The following CD200 variants were observed in gnomAD, a reference collection of about 807,000 sequenced individuals.
CD200 encodes CD200 molecule.
A neutral mutation model predicts 30.9 loss-of-function variants in CD200; 15 were observed. That is an observed-to-expected ratio of 0.49 (90% CI 0.32 to 0.75). The LOEUF (loss-of-function observed/expected upper bound fraction) is 0.75. CD200 is among the 30% of genes least tolerant of loss of function. The pLI is 0.03. For synonymous variants in CD200, 134 were observed against 126.2 expected, an observed-to-expected ratio of 1.06 and a Z score of -0.41; for missense variants, 262 against 324.2, an observed-to-expected ratio of 0.81 and a Z score of 1.47.
chr3:112,346,400 C>A (rs1307853930), intron 3 of CD200, among the ~76,000 whole-genome samples: 1 of 151,790 alleles, frequency 6.6e-6, no homozygotes, highest in Non-Finnish European at 1.5e-5. Flanking sequence ...CACTCATAGA[C>A]TTTTGTATTT....
At chr3:112,338,723 G>A (rs529534935) in intron 1 of CD200, among the ~76,000 whole-genome samples, 115 of 152,100 alleles carry the variant, frequency 7.6e-4, no homozygotes, top group African/African-American at 2.7e-3. Flanking sequence ...GGGCAATGAA[G>A]CAGGGATTGC....
At chr3:112,337,395 A>G (rs2081141615) in intron 1 of CD200, among the ~76,000 whole-genome samples, 1 of 152,182 alleles carries the variant, frequency 6.6e-6, no homozygotes, top group South Asian at 2.1e-4. Context: ...TGTAGGAGGA[A>G]TGGCTCAAGC....
intron 1 of CD200, 39 bp downstream of exon 1, chr3:112,333,263 A>G (rs1559777060): frequency 6.5e-7 from 1 of 1,543,946 alleles, no homozygotes; most frequent in South Asian, 1.2e-5. Flanking sequence ...GGCGCAGGGC[A>G]GGCGATGTTG....
Position 112,342,421 on chromosome 3 carries a change from CTT to C in CD200, c.94+1440_94+1441del, listed in dbSNP as rs1229257502. On this transcript the variant is annotated intron_variant, in intron 2 of 5. Coordinates refer to ENST00000315711, the MANE Select transcript of CD200 (RefSeq NM_005944.7). ...TCTTTCTTTCTTTCTTTCTTTCTTT[CTT>C]TCTTTCTTCTCTCTCTTTCTATGAA... is the stretch of plus-strand genomic sequence containing the variant. Among the ~76,000 whole-genome samples the C allele has an allele frequency of 2.6e-3, 202 of 77,874 alleles. 44 individuals are homozygous for C. Among genetic ancestry groups the C allele is most frequent in the Middle Eastern group, 6.3e-3 (1 of 158 alleles). 51.1% of individuals were successfully genotyped at this position (77,874 alleles called of 152,430 possible).
At chr3:112,357,127 G>T (rs1190735467) in intron 5 of CD200, among the ~76,000 whole-genome samples, 1 of 152,034 alleles carries the variant, frequency 6.6e-6, no homozygotes, top group Non-Finnish European at 1.5e-5. Flanking sequence ...CGGGCGTGAT[G>T]GTGGGCGCCT....
At chr3:112,334,245 C>T (rs928036499) in intron 1 of CD200, 1 of 985,420 alleles carries the variant, frequency 1.0e-6, no homozygotes, top group South Asian at 4.7e-5. Flanking sequence ...GACATAGAAA[C>T]TTGCTGAGGA....
At chr3:112,333,894 G>A in intron 1 of CD200, 8 of 985,438 alleles carry the variant, frequency 8.1e-6, no homozygotes, top group Non-Finnish European at 9.6e-6. Flanking sequence ...TTCGGAACCA[G>A]CTTACAAGAC....
At chr3:112,358,445 T>C (rs1218759498) in intron 5 of CD200, among the ~76,000 whole-genome samples, 1 of 151,406 alleles carries the variant, frequency 6.6e-6, no homozygotes, top group Non-Finnish European at 1.5e-5. Context: ...TTGTGATGCC[T>C]AGATGAACTT....
At chr3:112,335,966 C>T (rs769329547) in intron 1 of CD200, 6 of 1,611,804 alleles carry the variant, frequency 3.7e-6, no homozygotes, top group Non-Finnish European at 5.1e-6. Flanking sequence ...CAATTGGGGG[C>T]CCTCTCCTTA....
intron 5 of CD200, among the ~76,000 whole-genome samples, chr3:112,356,380 T>G (rs1306515937): frequency 1.3e-5 from 2 of 152,218 alleles, no homozygotes; most frequent in Non-Finnish European, 2.9e-5. Context: ...AACAGAAATT[T>G]TATGTATTTA....
intron 5 of CD200, 21 bp downstream of exon 5, chr3:112,349,840 C>CA: frequency 1.3e-6 from 2 of 1,578,644 alleles, no homozygotes; most frequent in African/African-American, 1.4e-5. Flanking sequence ...ACAGGGAGTT[C>CA]AAAAAATGAC....
chr3:112,358,249 T>C (rs2081666047), intron 5 of CD200, among the ~76,000 whole-genome samples: 5 of 152,346 alleles, frequency 3.3e-5, no homozygotes, highest in Admixed American at 3.3e-4. Context: ...ACAGTGGTCC[T>C]GGATGGGAAT....
In CD200 at chr3:112,333,786, T is replaced by C; in HGVS notation, c.12+562T>C. 3 of 985,422 alleles carry C rather than the reference T, an allele frequency of 3.0e-6. No individual in the cohort carries two copies. In the South Asian group the frequency reaches 1.4e-4, roughly 46 times the overall value. 61.0% of individuals were successfully genotyped at this position (985,422 alleles called of 1,614,324 possible). ...CTGGGGGAAGCCATGAAGGATCAGTTAAAGCTGAAGCTACACTTGAGAGAG... is the reference window on the plus strand; with the variant it reads ...CTGGGGGAAGCCATGAAGGATCAGTCAAAGCTGAAGCTACACTTGAGAGAG... On this transcript the variant is annotated intron_variant, in intron 1 of 5. Coordinates refer to ENST00000315711, the MANE Select transcript of CD200 (RefSeq NM_005944.7).
intron 1 of CD200, among the ~76,000 whole-genome samples, chr3:112,335,633 G>C (rs1468333978): frequency 2.6e-5 from 4 of 152,278 alleles, no homozygotes; most frequent in African/African-American, 9.6e-5. Context: ...TCAGGTATGT[G>C]GCAGCACTTG....
intron 4 of CD200, among the ~76,000 whole-genome samples, chr3:112,348,696 C>T (rs1027340259): frequency 6.6e-6 from 1 of 152,148 alleles, no homozygotes; most frequent in Non-Finnish European, 1.5e-5. Flanking sequence ...CTACACCCAC[C>T]TCTTTACTGC....
upstream of CD200, chr3:112,332,942 A>C: frequency 1.9e-6 from 1 of 539,670 alleles, no homozygotes; most frequent in Non-Finnish European, 3.3e-6. Context: ...TTTTCCAAAC[A>C]CTTTGTCAGT....
intron 3 of CD200, among the ~76,000 whole-genome samples, chr3:112,345,604 T>C (rs1257202781): frequency 6.6e-6 from 1 of 152,224 alleles, no homozygotes; most frequent in Non-Finnish European, 1.5e-5. Context: ...CTAGCAATCA[T>C]GCGACCCTAG....
intron 1 of CD200, among the ~76,000 whole-genome samples, chr3:112,336,479 G>A (rs2081120223): frequency 1.3e-5 from 2 of 152,014 alleles, no homozygotes; most frequent in African/African-American, 4.8e-5. Context: ...GGAAGTCATT[G>A]TATCTAAAAG....
intron 1 of CD200, chr3:112,333,671 G>A: frequency 1.0e-6 from 1 of 985,438 alleles, no homozygotes; most frequent in Non-Finnish European, 1.2e-6. Context: ...AAGCTGCGGC[G>A]GAGATACAGA....
Sources: gnomAD v4.1 joint callset for allele counts (sites outside exome capture counted in the v4.1 genomes callset) on GRCh38, gnomAD v4.1.1 for gene constraint, MANE v1.5 for transcripts, NCBI Gene and HGNC (gene_info 2026-07-23, HGNC 2026-07-21) for gene names.